RNF212B: variants seen among roughly 807,000 people sequenced by gnomAD.
RNF212B encodes E3 ubiquitin-protein ligase RNF212B.
RNF212B carries 52 observed loss-of-function variants against 55.5 expected under a neutral mutation model. The observed-to-expected ratio is 0.94, with a 90% CI of 0.75 to 1.18. The LOEUF is 1.18. Ranked by LOEUF, RNF212B falls within the 50% of genes most tolerant of loss-of-function variation. RNF212B has a pLI of 0.00. For synonymous variants in RNF212B, 99 were observed against 121.4 expected, an observed-to-expected ratio of 0.82 and a Z score of 1.21; for missense variants, 289 against 350.4, an observed-to-expected ratio of 0.82 and a Z score of 1.40.
At chr14:23,197,751 C>G (rs990104285) in intron 2 of RNF212B, among the ~76,000 whole-genome samples, 16 of 150,986 alleles carry the variant, frequency 1.1e-4, no homozygotes, top group African/African-American at 3.9e-4. Context: ...GTTTTATCTA[C>G]CTATTTCCCC....
At chr14:23,220,741 C>T (rs770492851) in intron 2 of RNF212B, among the ~76,000 whole-genome samples, 3 of 147,292 alleles carry the variant, frequency 2.0e-5, no homozygotes, top group African/African-American at 5.0e-5. Context: ...AGGAGAATGG[C>T]GTGAACCTGG....
At chr14:23,231,909 C>T (rs376437680) in intron 2 of RNF212B, among the ~76,000 whole-genome samples, 6,092 of 152,140 alleles carry the variant, frequency 0.04, 149 homozygotes, top group South Asian at 0.071. Context: ...CCCGAGGTGC[C>T]GGGATTGCAG....
chr14:23,208,511 G>A (rs1294494105), intron 2 of RNF212B, among the ~76,000 whole-genome samples: 1 of 151,892 alleles, frequency 6.6e-6, no homozygotes, highest in East Asian at 1.9e-4. Flanking sequence ...AATGACATAG[G>A]AGTCAATCTG....
At chr14:23,190,383 G>A (rs115897383) in intron 1 of RNF212B, among the ~76,000 whole-genome samples, 3 of 152,244 alleles carry the variant, frequency 2.0e-5, no homozygotes, top group Admixed American at 6.5e-5. Flanking sequence ...CGTGCTTTCC[G>A]CTCCAAACCT....
chr14:23,261,375 A>G (rs1885283874), intron 7 of RNF212B: 1 of 152,522 alleles, frequency 6.6e-6, no homozygotes, highest in African/African-American at 2.4e-5. Context: ...TAAGAATGTT[A>G]GTACAGGTCT....
chr14:23,226,229 C>A (rs1008250482), intron 2 of RNF212B, among the ~76,000 whole-genome samples: 1 of 141,410 alleles, frequency 7.1e-6, no homozygotes, highest in African/African-American at 2.7e-5. Context: ...ACCCAGGAGG[C>A]GGAGGTTGCA....
At chr14:23,234,450 C>T (rs145395706), upstream of RNF212B, among the ~76,000 whole-genome samples, 210 of 152,184 alleles carry the variant, frequency 1.4e-3, 2 homozygotes, top group African/African-American at 4.7e-3. Context: ...CGTCTGGTAC[C>T]TGTCTGTTTA....
intron 2 of RNF212B, among the ~76,000 whole-genome samples, chr14:23,205,503 C>G (rs1284331288): frequency 5.9e-5 from 9 of 152,052 alleles, no homozygotes; most frequent in Non-Finnish European, 1.2e-4. Flanking sequence ...TTTACGAAAA[C>G]TGTGATAGTC....
At chr14:23,237,716 G>C (rs178766), upstream of RNF212B, among the ~76,000 whole-genome samples, 12,449 of 152,190 alleles carry the variant, frequency 0.082, 1,092 homozygotes, top group African/African-American at 0.22. Context: ...TTAGGTTACA[G>C]TGTTTATTTG....
Position 23,240,378 on chromosome 14 carries a change from A to G in RNF212B, c.33A>G (p.Arg11=). ...GGTTTCATTGCAACCAGTGCTTCCG[A>G]AAAGATGGGGCCCATTTCTTTGTCA... MDWFHCNQCF[R]KDGAHFFVTS... Residue 11 remains arginine (R), a synonymous_variant, in exon 2 of 15, where the codon CGA becomes CGG. Transcript: ENST00000430154. 6.4e-7 allele frequency: 1 copy of G among 1,550,460 alleles called. No homozygotes were observed. The highest frequency in any genetic ancestry group is 8.7e-7 in the Non-Finnish European group (1 of 1,146,908).
At chr14:23,202,468 A>C (rs1879396553) in intron 2 of RNF212B, among the ~76,000 whole-genome samples, 1 of 152,146 alleles carries the variant, frequency 6.6e-6, no homozygotes, top group Non-Finnish European at 1.5e-5. Context: ...TGAGGAGTTG[A>C]ATAGCTTTAA....
At chr14:23,243,640 G>A (rs1415686669) in intron 3 of RNF212B, among the ~76,000 whole-genome samples, 1 of 144,760 alleles carries the variant, frequency 6.9e-6, no homozygotes, top group Non-Finnish European at 1.5e-5. Context: ...AAGTTGCAGT[G>A]AGCTGAGCTC....
At chr14:23,258,861 T>C (rs1328155174) in intron 5 of RNF212B, among the ~76,000 whole-genome samples, 197 bp downstream of exon 5, 1 of 151,994 alleles carries the variant, frequency 6.6e-6, no homozygotes, top group Non-Finnish European at 1.5e-5. Flanking sequence ...CCTCACTTTA[T>C]AGTTTTCCTC....
intron 14 of RNF212B, among the ~76,000 whole-genome samples, chr14:23,271,399 C>T (rs1018264498): frequency 1.3e-5 from 2 of 150,994 alleles, no homozygotes; most frequent in Non-Finnish European, 2.9e-5. Flanking sequence ...GCCGAGATTG[C>T]GCCACTGCAC....
At chr14:23,238,122 A>G (rs1883261410) in intron 1 of RNF212B, among the ~76,000 whole-genome samples, 67 bp downstream of exon 1, 1 of 152,210 alleles carries the variant, frequency 6.6e-6, no homozygotes, top group African/African-American at 2.4e-5. Context: ...GCCTCTGGAA[A>G]GCAGGGGAAT....
chr14:23,248,630 T>C (rs573856804), intron 4 of RNF212B, among the ~76,000 whole-genome samples: 143 of 151,868 alleles, frequency 9.4e-4, no homozygotes, highest in African/African-American at 3.3e-3. Flanking sequence ...TTAATAGAGA[T>C]GGGGTTTCAC....
intron 2 of RNF212B, among the ~76,000 whole-genome samples, chr14:23,218,212 C>CA (rs1477766095): frequency 5.9e-5 from 9 of 151,458 alleles, no homozygotes; most frequent in African/African-American, 2.2e-4. Flanking sequence ...ACTAAAAATA[C>CA]AAAAAATTAG....
In RNF212B at chr14:23,266,404, GTTTTTTT is replaced by G. The variant is rs57731750; in HGVS notation, c.634+1751_634+1757del. Among the ~76,000 whole-genome samples, 272 of 46,888 alleles carry G rather than the reference GTTTTTTT, an allele frequency of 5.8e-3. 1 individual carries two copies. The highest frequency in any genetic ancestry group is 0.012 in the Admixed American group (46 of 3,978). 30.8% of individuals were successfully genotyped at this position (46,888 alleles called of 152,430 possible). On this transcript the variant is annotated intron_variant, in intron 11 of 14. Coordinates refer to ENST00000430154, the MANE Select transcript of RNF212B (RefSeq NM_001282322.3). ...TTCAGTGATTTAAATCCTTTTAAAT[GTTTTTTT>G]TTTTTTTTTTTTTTTTTGAGATGGT... is the stretch of plus-strand genomic sequence containing the variant.
intron 2 of RNF212B, among the ~76,000 whole-genome samples, chr14:23,199,249 A>G (rs766886665): frequency 6.6e-6 from 1 of 152,222 alleles, no homozygotes; most frequent in Non-Finnish European, 1.5e-5. Context: ...CAATCAATAT[A>G]TGTAAGAAGT....
Sources: allele counts gnomAD v4.1 joint callset (sites outside exome capture counted in the v4.1 genomes callset), GRCh38; gene constraint gnomAD v4.1.1; transcripts MANE v1.5; gene names NCBI Gene and HGNC (gene_info 2026-07-23, HGNC 2026-07-21).